Variants in CSMD2 observed in about 807,000 individuals in gnomAD.
CSMD2 encodes CUB and Sushi multiple domains 2, also known as CUB and sushi domain-containing protein 2.
A neutral mutation model predicts 398.5 loss-of-function variants in CSMD2; 130 were observed. That is an observed-to-expected ratio of 0.33 (90% confidence interval 0.28 to 0.38). The LOEUF is 0.38. Among genes scored for constraint, CSMD2 ranks in the 10% least tolerant of loss-of-function variants. The probability of loss-of-function intolerance (pLI) is 1.00; values close to 1 mark genes in which losing one functional copy is unlikely to be tolerated. For missense variants in CSMD2, 3,829 were observed against 4,764.9 expected, an observed-to-expected ratio of 0.80 and a Z score of 5.78; for synonymous variants, 1,828 against 1,908.5, an observed-to-expected ratio of 0.96 and a Z score of 1.10.
At chr1:34,046,669 T>C (rs2148207558) in intron 2 of CSMD2, among the ~76,000 whole-genome samples, 1 of 152,312 alleles carries the variant, frequency 6.6e-6, no homozygotes, top group South Asian at 2.1e-4. Context: ...ATCTGATAGG[T>C]TCACAAAAGA....
At chr1:33,850,498 A>C (rs899707218) in intron 5 of CSMD2, among the ~76,000 whole-genome samples, 1 of 152,200 alleles carries the variant, frequency 6.6e-6, no homozygotes, top group Non-Finnish European at 1.5e-5. Flanking sequence ...AGCATGAAGG[A>C]AGGCAGTGGA....
At chr1:34,065,771 G>A (rs1655043925) in intron 2 of CSMD2, among the ~76,000 whole-genome samples, 1 of 152,164 alleles carries the variant, frequency 6.6e-6, no homozygotes, top group Admixed American at 6.5e-5. Flanking sequence ...CCATCTATAT[G>A]CACAACCTCT....
intron 12 of CSMD2, among the ~76,000 whole-genome samples, chr1:33,783,069 G>C (rs562958192): frequency 5.9e-5 from 9 of 152,166 alleles, no homozygotes; most frequent in Admixed American, 5.2e-4. Flanking sequence ...AGTGGGATGC[G>C]GAAAACTGAC....
chr1:33,847,864 G>A lies in CSMD2; in HGVS notation c.921-868C>T, dbSNP rs560961381. Among the ~76,000 whole-genome samples, 5 of 152,218 alleles carry A rather than the reference G, an allele frequency of 3.3e-5. 1 individual carries two copies. In the South Asian group the frequency reaches 8.3e-4, roughly 25 times the overall value. On this transcript the variant is annotated intron_variant, in intron 5 of 70. Transcript: ENST00000373381. ...TCAAAAGCTTGCAAGGATTAAATGAGATAATACACAAAAGAAGATCTCAGC... is the reference window on the plus strand; with the variant it reads ...TCAAAAGCTTGCAAGGATTAAATGAAATAATACACAAAAGAAGATCTCAGC...
chr1:33,997,804 A>C (rs982073163), intron 3 of CSMD2, among the ~76,000 whole-genome samples: 1 of 152,184 alleles, frequency 6.6e-6, no homozygotes, highest in African/African-American at 2.4e-5. Context: ...ATCTGTCTGC[A>C]TATTTACTGG....
At chr1:33,941,318 T>C (rs1644665242) in intron 3 of CSMD2, among the ~76,000 whole-genome samples, 1 of 152,234 alleles carries the variant, frequency 6.6e-6, no homozygotes, top group African/African-American at 2.4e-5. Flanking sequence ...ATTTGAGACT[T>C]TGGTTCCCTT....
At chr1:33,597,430 T>C (rs187437184) in intron 44 of CSMD2, among the ~76,000 whole-genome samples, 15 of 152,358 alleles carry the variant, frequency 9.8e-5, no homozygotes, top group African/African-American at 3.4e-4. Context: ...TTACTCATTA[T>C]CTCTTTCTCC....
intron 3 of CSMD2, among the ~76,000 whole-genome samples, chr1:33,993,899 C>T (rs1484501888): frequency 6.6e-6 from 1 of 152,148 alleles, no homozygotes; most frequent in Non-Finnish European, 1.5e-5. Flanking sequence ...CTTTGTACGG[C>T]TCAAAGGCTA....
intron 44 of CSMD2, among the ~76,000 whole-genome samples, chr1:33,590,696 T>C (rs1028482174): frequency 6.6e-6 from 1 of 151,844 alleles, no homozygotes; most frequent in Non-Finnish European, 1.5e-5. Context: ...TACAGAACTC[T>C]AGGGCAGGGG....
chr1:33,525,023 T>G lies in CSMD2; in HGVS notation c.10255A>C (p.Lys3419Gln). The G allele has an allele frequency of 6.2e-7, 1 of 1,614,186 alleles. No homozygotes were observed. Among genetic ancestry groups the G allele is most frequent in the Non-Finnish European group, 8.5e-7 (1 of 1,180,024 alleles). ...TAGGCCCCTTTCCACAGGGAATTCT[T>G]GGCAAAAACATCCCCAGGAACTAGA... ...QALIPGDVFA[K>Q]NSLWKGAYEY... is the part of the protein sequence containing the mutation. Residue 3419 changes from lysine (K) to glutamine (Q), a missense_variant, in exon 66 of 71, where the codon AAG becomes CAG. This residue lies in a region of CSMD2 where 917 missense variants were observed against 1,199.5 expected (regional missense o/e 0.76). Transcript: ENST00000373381.
Position 33,533,787 on chromosome 1 carries a change from T to G in CSMD2, c.9991+9A>C. ...ATTTTCTTGGGATGTGGGTGAAGTC[T>G]GCACTCACGGACACAGTCAGGTGGG... On this transcript the variant is annotated intron_variant, in intron 63 of 70. Transcript: ENST00000373381. This position sits in a 1 kb window ranked among gnomAD's most constrained non-coding sequence, Gnocchi z 4.2. 1 of 1,582,254 alleles carries G rather than the reference T, an allele frequency of 6.3e-7. No homozygotes were observed. The highest frequency in any genetic ancestry group is 8.7e-7 in the Non-Finnish European group (1 of 1,151,094).
At chr1:33,887,079 A>G (rs898233114) in intron 5 of CSMD2, among the ~76,000 whole-genome samples, 5 of 152,100 alleles carry the variant, frequency 3.3e-5, no homozygotes, top group African/African-American at 4.8e-5. Context: ...CTTCTATGAC[A>G]TATTTTATAA....
Position 34,144,886 on chromosome 1 carries a change from C to T in CSMD2, c.187+20025G>A, listed in dbSNP as rs372305969. 4.6e-5 allele frequency among the ~76,000 whole-genome samples: 7 copies of T among 152,176 alleles called. No individual in the cohort carries two copies. In the East Asian group the frequency reaches 1.3e-3, roughly 29 times the overall value. ...GAGCCTAACAGAAACTGCATTTAAC[C>T]GCGATCAAAATGCACAGGCCAAATA... On this transcript the variant is annotated intron_variant, in intron 1 of 70. Transcript: ENST00000373381.
intron 55 of CSMD2, among the ~76,000 whole-genome samples, chr1:33,551,827 T>A (rs1003958097): frequency 1.3e-5 from 2 of 152,162 alleles, no homozygotes; most frequent in African/African-American, 4.8e-5. Flanking sequence ...CCAGGTTACA[T>A]CCTAAGAGGC....
chr1:34,006,666 T>G (rs896245888), intron 3 of CSMD2, among the ~76,000 whole-genome samples: 8 of 152,152 alleles, frequency 5.3e-5, no homozygotes, highest in Admixed American at 6.5e-5. Context: ...TCTTCATTTT[T>G]TTTCCATCTA....
chr1:34,054,028 C>T (rs1222131905), intron 2 of CSMD2, among the ~76,000 whole-genome samples: 1 of 152,164 alleles, frequency 6.6e-6, no homozygotes, highest in Non-Finnish European at 1.5e-5. Flanking sequence ...AAAAATGGCA[C>T]AGAAAGTTCC....
intron 2 of CSMD2, among the ~76,000 whole-genome samples, chr1:34,036,683 TGAGA>T (rs374303356): frequency 9.8e-5 from 15 of 152,304 alleles, no homozygotes; most frequent in African/African-American, 3.6e-4. Context: ...GTGCTGGTTT[TGAGA>T]GTGTGCTATA....
At position 33,743,484 on chromosome 1, in the gene CSMD2, G is replaced by A; in HGVS notation, c.1969C>T (p.His657Tyr). The A allele has an allele frequency of 6.2e-7, 1 of 1,614,162 alleles. No individual in the cohort carries two copies. The highest frequency in any genetic ancestry group is 2.2e-5 in the East Asian group (1 of 44,880). The change falls in exon 14 of 71, where the codon CAC becomes TAC. Residue 657 changes from histidine to tyrosine, a missense_variant. Physicochemically the swap from His to Tyr is moderately conservative, Grantham distance 83. This residue lies in a region of CSMD2 where 2,001 missense variants were observed against 2,567.1 expected (regional missense o/e 0.78). Transcript: ENST00000373381. ...ACGTCAATGTCGTTGAAGGCCAGGT[G>A]GATGCGGCTCTCAGGCCTGGCCAGG... is the stretch of plus-strand genomic sequence containing the variant. ...LILARPESRI[H>Y]LAFNDIDVEP...
At chr1:33,876,187 C>T (rs992264726) in intron 5 of CSMD2, among the ~76,000 whole-genome samples, 3 of 152,154 alleles carry the variant, frequency 2.0e-5, no homozygotes, top group Non-Finnish European at 2.9e-5. Context: ...ATTCCAGAGT[C>T]CCTGAAAGTC....
Sources: allele counts gnomAD v4.1 joint callset (sites outside exome capture counted in the v4.1 genomes callset), GRCh38; gene constraint gnomAD v4.1.1; regional missense constraint gnomAD v4.1.1; non-coding constraint Gnocchi (gnomAD v3.1); transcripts MANE v1.5; gene names NCBI Gene and HGNC (gene_info 2026-07-23, HGNC 2026-07-21).